Variants in COG3 observed in about 807,000 individuals in gnomAD.
The protein encoded by COG3 is conserved oligomeric Golgi complex subunit 3.
A neutral mutation model predicts 114.1 loss-of-function variants in COG3; 32 were observed. The observed-to-expected ratio is 0.28, with a 90% CI of 0.21 to 0.38. The LOEUF (loss-of-function observed/expected upper bound fraction) is 0.38, where lower values mean the gene tolerates loss of function less well. Ranked by LOEUF, COG3 falls within the 10% of genes least tolerant of loss-of-function variation. The pLI is 1.00. For synonymous variants in COG3, 352 were observed against 365.7 expected (o/e 0.96, Z 0.43); for missense variants, 813 against 973.2 (o/e 0.84, Z 2.19).
chr13:45,530,435 C>T (rs1873069352), intron 21 of COG3, among the ~76,000 whole-genome samples: 1 of 152,062 alleles, frequency 6.6e-6, no homozygotes, highest in South Asian at 2.1e-4. Context: ...TGCAGAAGAC[C>T]CTTAAAATTA....
chr13:45,517,776 G>A (rs1455124823), intron 17 of COG3, among the ~76,000 whole-genome samples: 1 of 152,150 alleles, frequency 6.6e-6, no homozygotes, highest in Non-Finnish European at 1.5e-5. Context: ...ATAGAGCAGG[G>A]TTGATTTACT....
intron 8 of COG3, among the ~76,000 whole-genome samples, chr13:45,489,282 C>CAAAAAAAAAAAAA (rs1593698672): frequency 1.1e-3 from 12 of 10,488 alleles, no homozygotes; most frequent in Non-Finnish European, 2.5e-3. Flanking sequence ...AAAAAAAAAG[C>CAAAAAAAAAAAAA]CAACCAGTTT....
chr13:45,471,260 A>G (rs1001193301), intron 1 of COG3, among the ~76,000 whole-genome samples: 2 of 152,118 alleles, frequency 1.3e-5, no homozygotes, highest in African/African-American at 4.8e-5. Context: ...AAAGAAAAAA[A>G]AATCAAAAAG....
intron 1 of COG3, 96 bp downstream of exon 1, chr13:45,465,306 A>C (rs949137368): frequency 6.7e-7 from 1 of 1,488,508 alleles, no homozygotes; most frequent in Non-Finnish European, 8.9e-7. Flanking sequence ...TCTGCCCAGG[A>C]TATCTCTCCA....
At chr13:45,500,103 TA>T (rs1869358286) in intron 13 of COG3, among the ~76,000 whole-genome samples, 1 of 13,990 alleles carries the variant, frequency 7.1e-5, no homozygotes, top group Admixed American at 1.0e-3. Flanking sequence ...TGTATATATA[TA>T]TATATATATA....
At chr13:45,517,313 C>T (rs1242055359) in intron 17 of COG3, among the ~76,000 whole-genome samples, 1 of 152,090 alleles carries the variant, frequency 6.6e-6, no homozygotes, top group Non-Finnish European at 1.5e-5. Flanking sequence ...TTTAGTTCCC[C>T]AATTCCTGTG....
chr13:45,524,533 GA>G (rs1195392299), intron 19 of COG3, among the ~76,000 whole-genome samples: 1 of 152,178 alleles, frequency 6.6e-6, no homozygotes, highest in African/African-American at 2.4e-5. Flanking sequence ...TGTGATATAA[GA>G]AAAATGATCC....
chr13:45,510,158 A>G (rs1478895513), intron 15 of COG3, among the ~76,000 whole-genome samples: 1 of 152,160 alleles, frequency 6.6e-6, no homozygotes, highest in East Asian at 1.9e-4. Flanking sequence ...AGATGCCACT[A>G]TTTCTTAAGG....
rs138302612 is a variant in COG3, at chr13:45,480,668, C to T, written c.549+378C>T. 6.8e-4 allele frequency among the ~76,000 whole-genome samples: 103 copies of T among 152,270 alleles called. 1 individual carries two copies. In the East Asian group the frequency reaches 0.011, roughly 16 times the overall value. On this transcript the variant is annotated intron_variant, in intron 4 of 22. Coordinates refer to ENST00000349995, the MANE Select transcript of COG3 (RefSeq NM_031431.4). ...GCAACCTCGGCCTCCTGGGCTCAAG[C>T]GATTCTCCTGCCTCAGCCTCCCAAG...
In COG3 at chr13:45,529,906, T is replaced by G; in HGVS notation, c.2346T>G (p.Phe782Leu). The part of the protein sequence containing the change: ...LSNKDTEFIL[F>L]KPVRNNIQQV... ...ATAAAGATACCGAGTTCATCTTGTT[T>G]AAACCTGTGAGGGTGAGTATCAGAT... Residue 782 changes from phenylalanine (F) to leucine (L), a missense_variant, in exon 21 of 23, where the codon TTT becomes TTG. Coordinates refer to ENST00000349995, the MANE Select transcript of COG3 (RefSeq NM_031431.4). 1 of 1,609,942 alleles carries G rather than the reference T, an allele frequency of 6.2e-7. No homozygotes were observed. The highest frequency in any genetic ancestry group is 1.1e-5 in the South Asian group (1 of 89,670).
chr13:45,517,433 C>T (rs1039716624), intron 17 of COG3, among the ~76,000 whole-genome samples: 1 of 152,078 alleles, frequency 6.6e-6, no homozygotes, highest in Non-Finnish European at 1.5e-5. Flanking sequence ...CTCTCTTGTC[C>T]ACCACGGAGA....
chr13:45,524,225 ACTGCAC>A (rs1445468326), intron 19 of COG3, among the ~76,000 whole-genome samples: 2 of 152,188 alleles, frequency 1.3e-5, no homozygotes, highest in Non-Finnish European at 2.9e-5. Context: ...AAAGCCATGG[ACTGCAC>A]CTTTGGCACA....
chr13:45,472,923 G>T (rs1447662946), intron 1 of COG3, among the ~76,000 whole-genome samples: 1 of 152,146 alleles, frequency 6.6e-6, no homozygotes, highest in Non-Finnish European at 1.5e-5. Context: ...AGGCTGGAGT[G>T]CAGTGGTGCA....
chr13:45,492,142 G>A lies in COG3; in HGVS notation c.1096-17G>A, dbSNP rs1245440788. 2.6e-6 allele frequency: 4 copies of A among 1,510,102 alleles called. No individual in the cohort carries two copies. Among genetic ancestry groups the A allele is most frequent in the Non-Finnish European group, 3.7e-6 (4 of 1,093,366 alleles). 93.5% of individuals were successfully genotyped at this position (1,510,102 alleles called of 1,614,324 possible). A position where few individuals can be genotyped will look rare whatever the true frequency, so the allele number is the denominator to read the frequency against. On this transcript the variant is annotated splice_polypyrimidine_tract_variant and intron_variant, in intron 10 of 22. Transcript: ENST00000349995. ...GTGTGTCTTTAACTGTAGGTGGTGTGTGTTTGTTTACTGCAGGTTCGTAGT... is the reference window on the plus strand; with the variant it reads ...GTGTGTCTTTAACTGTAGGTGGTGTATGTTTGTTTACTGCAGGTTCGTAGT...
intron 12 of COG3, among the ~76,000 whole-genome samples, chr13:45,494,944 C>T (rs1732379515): frequency 1.4e-5 from 2 of 143,038 alleles, no homozygotes; most frequent in African/African-American, 2.6e-5. Flanking sequence ...TTGCCGGGTT[C>T]AAGTGATTCT....
intron 20 of COG3, among the ~76,000 whole-genome samples, chr13:45,529,550 G>A (rs1284593463): frequency 6.6e-6 from 1 of 151,878 alleles, no homozygotes; most frequent in African/African-American, 2.4e-5. Context: ...AGCATGCTAG[G>A]GGAGTTATTT....
chr13:45,510,134 G>C (rs1224468002), intron 15 of COG3, among the ~76,000 whole-genome samples: 1 of 146,760 alleles, frequency 6.8e-6, no homozygotes. Context: ...CAGCAGTCAT[G>C]TAATGAATTG....
At chr13:45,478,866 G>T (rs1232895690) in intron 2 of COG3, 139 bp from the exon 3 acceptor site, 3 of 656,848 alleles carry the variant, frequency 4.6e-6, no homozygotes, top group Non-Finnish European at 8.0e-6. Context: ...TTTTCTCCTG[G>T]CCTAAAACTG....
At chr13:45,482,148 A>G in intron 5 of COG3, among the ~76,000 whole-genome samples, 1 of 152,180 alleles carries the variant, frequency 6.6e-6, no homozygotes, top group East Asian at 1.9e-4. Context: ...ATTCATGAAG[A>G]GTCCAATTAA....
Sources: gnomAD v4.1 joint callset for allele counts (sites outside exome capture counted in the v4.1 genomes callset) on GRCh38, gnomAD v4.1.1 for gene constraint, MANE v1.5 for transcripts, NCBI Gene and HGNC (gene_info 2026-07-23, HGNC 2026-07-21) for gene names.